TNFAIP8: variants seen among roughly 807,000 people sequenced by gnomAD.
TNFAIP8 encodes the protein tumor necrosis factor alpha-induced protein 8.
A neutral mutation model predicts 13.3 loss-of-function variants in TNFAIP8; 7 were observed. The ratio of observed to expected loss-of-function variants is 0.52; its 90% CI spans 0.30 to 0.99. The LOEUF (loss-of-function observed/expected upper bound fraction) is 0.99. Among genes scored for constraint, TNFAIP8 ranks in the 50% least tolerant of loss-of-function variants. TNFAIP8 has a pLI of 0.07. For synonymous variants in TNFAIP8, 94 were observed against 87.6 expected (o/e 1.07, Z -0.41); for missense variants, 258 against 236.9 (o/e 1.09, Z -0.58).
chr5:119,365,817 T>A (rs1442354813), intron 1 of TNFAIP8, among the ~76,000 whole-genome samples: 1 of 152,138 alleles, frequency 6.6e-6, no homozygotes, highest in African/African-American at 2.4e-5. Context: ...CGACTCAACA[T>A]CTTCAGAAGA....
intron 1 of TNFAIP8, among the ~76,000 whole-genome samples, chr5:119,379,988 C>T (rs1484851876): frequency 2.6e-5 from 4 of 152,162 alleles, no homozygotes; most frequent in African/African-American, 9.7e-5. Flanking sequence ...AGCTTCATGG[C>T]ATTTGGTAGG....
At chr5:119,369,819 C>G (rs186439996) in intron 1 of TNFAIP8, among the ~76,000 whole-genome samples, 1 of 152,184 alleles carries the variant, frequency 6.6e-6, no homozygotes, top group Non-Finnish European at 1.5e-5. Flanking sequence ...GAGTGATATT[C>G]CATCTCCTAG....
intron 1 of TNFAIP8, among the ~76,000 whole-genome samples, chr5:119,328,169 T>C (rs1750278033): frequency 6.6e-6 from 1 of 152,114 alleles, no homozygotes; most frequent in African/African-American, 2.4e-5. Context: ...TGTTCAAAAG[T>C]CAGAATGTAA....
intron 1 of TNFAIP8, among the ~76,000 whole-genome samples, chr5:119,332,898 C>T (rs559298258): frequency 2.6e-5 from 4 of 152,232 alleles, no homozygotes; most frequent in African/African-American, 9.6e-5. Context: ...TTATGAAAAC[C>T]TTATATACTC....
intron 1 of TNFAIP8, among the ~76,000 whole-genome samples, chr5:119,365,639 C>T (rs75390683): frequency 0.021 from 3,196 of 152,298 alleles, 111 homozygotes; most frequent in African/African-American, 0.073. Flanking sequence ...TAAACTTTTT[C>T]CTCCTGTAAA....
At chr5:119,277,929 C>T (rs965554909) in intron 1 of TNFAIP8, among the ~76,000 whole-genome samples, 2 of 152,072 alleles carry the variant, frequency 1.3e-5, no homozygotes, top group African/African-American at 4.8e-5. Flanking sequence ...AAGCACTAAT[C>T]CACTCATAAG....
chr5:119,299,451 T>C (rs1031209129), intron 1 of TNFAIP8, among the ~76,000 whole-genome samples: 14 of 152,174 alleles, frequency 9.2e-5, no homozygotes, highest in Non-Finnish European at 2.1e-4. Flanking sequence ...TGCTGCTGTC[T>C]GATCGTTCCT....
intron 1 of TNFAIP8, among the ~76,000 whole-genome samples, chr5:119,332,389 T>C (rs1385337623): frequency 6.6e-6 from 1 of 152,150 alleles, no homozygotes; most frequent in East Asian, 1.9e-4. Context: ...CTTGCACGTA[T>C]ACACAACCAG....
At chr5:119,342,463 A>T (rs1750768492) in intron 1 of TNFAIP8, among the ~76,000 whole-genome samples, 1 of 152,148 alleles carries the variant, frequency 6.6e-6, no homozygotes, top group African/African-American at 2.4e-5. Context: ...GAGTTATGGG[A>T]ATGTCATATT....
At chr5:119,309,561 A>G (rs1005144166) in intron 1 of TNFAIP8, among the ~76,000 whole-genome samples, 1 of 152,214 alleles carries the variant, frequency 6.6e-6, no homozygotes, top group African/African-American at 2.4e-5. Context: ...TCTCAAGACT[A>G]TAATGAAAAG....
intron 1 of TNFAIP8, among the ~76,000 whole-genome samples, chr5:119,277,573 A>C (rs1270864298): frequency 6.6e-6 from 1 of 152,186 alleles, no homozygotes; most frequent in Non-Finnish European, 1.5e-5. Flanking sequence ...CCTTAAGACT[A>C]ATTTTAACTG....
chr5:119,286,235 C>A (rs576547919), intron 1 of TNFAIP8, among the ~76,000 whole-genome samples: 71 of 152,266 alleles, frequency 4.7e-4, no homozygotes, highest in African/African-American at 1.6e-3. Context: ...CCTCACTGCA[C>A]TTCCCCAGCC....
upstream of TNFAIP8, chr5:119,355,163 G>C (rs1020837336): frequency 4.4e-5 from 28 of 631,440 alleles, no homozygotes; most frequent in Non-Finnish European, 5.7e-6. Flanking sequence ...AGGCTGTCCG[G>C]CTTCTTTATT....
intron 1 of TNFAIP8, among the ~76,000 whole-genome samples, chr5:119,358,115 CATCCTGGTGAACTTATGT>C (rs1751503909): frequency 9.1e-6 from 1 of 110,442 alleles, no homozygotes; most frequent in African/African-American, 4.3e-5. Flanking sequence ...TTTTTTTTTT[CATCCTGGTGAACTTATGT>C]ATCCCATTTA....
At position 119,395,658 on chromosome 5, in the gene TNFAIP8, TCTC is replaced by T. The variant is rs1429514766; in HGVS notation, c.*2280_*2282del. On this transcript the variant is annotated 3_prime_UTR_variant, in exon 2 of 2. Coordinates refer to ENST00000504771, the MANE Select transcript of TNFAIP8 (RefSeq NM_014350.4). The stretch of plus-strand genomic sequence containing the variant: ...CTCAGCATTTTCTGGAGGGGACCCA[TCTC>T]CTTACCAGTGCTGTGCCTGAAAAGC... 1 of 152,176 alleles carries T rather than the reference TCTC, an allele frequency of 6.6e-6. No homozygotes were observed. Among genetic ancestry groups the T allele is most frequent in the Non-Finnish European group, 1.5e-5 (1 of 68,052 alleles). The allele number at this position is 152,176 out of a possible 1,614,324, so 9.4% of individuals were successfully genotyped here. A position where few individuals can be genotyped will look rare whatever the true frequency, so the allele number is the denominator to read the frequency against.
intron 1 of TNFAIP8, among the ~76,000 whole-genome samples, chr5:119,269,965 T>C (rs1504975): frequency 0.88 from 133,842 of 152,232 alleles, 59,611 homozygotes; most frequent in East Asian, 1. Context: ...ATAGTCTCTC[T>C]GAGTTCTACA....
chr5:119,297,624 G>A lies in TNFAIP8; in HGVS notation c.1+28717G>A, dbSNP rs1306041422. On this transcript the variant is annotated intron_variant, in intron 1 of 1. Coordinates refer to the TNFAIP8 transcript ENST00000274456. ...AGTTCTGTAGATGTCTATTAGGTCC[G>A]CTTGGTGCAGAGCTGAGTTCAATTC... is the stretch of plus-strand genomic sequence containing the variant. 5.3e-5 allele frequency among the ~76,000 whole-genome samples: 8 copies of A among 152,226 alleles called. No individual in the cohort carries two copies. The East Asian group carries it at 5.8e-4, about 11-fold the overall frequency.
In TNFAIP8 at chr5:119,376,040, G is replaced by A. The variant is rs185756162; in HGVS notation, c.32-16776G>A. 1.1e-3 allele frequency among the ~76,000 whole-genome samples: 162 copies of A among 151,934 alleles called. 1 individual carries two copies. The highest frequency in any genetic ancestry group is 3.5e-3 in the African/African-American group (147 of 41,472). ...TGCCTATCTTTAGTGATGAAATGTC[G>A]CATTTAGAATAAACACTTTCCACCC... is the stretch of plus-strand genomic sequence containing the variant. On this transcript the variant is annotated intron_variant, in intron 1 of 1. Transcript: ENST00000504771.
intron 1 of TNFAIP8, among the ~76,000 whole-genome samples, chr5:119,380,471 A>C (rs1225945078): frequency 6.6e-6 from 1 of 152,246 alleles, no homozygotes; most frequent in Non-Finnish European, 1.5e-5. Flanking sequence ...AAAAGTGTAG[A>C]AAATCACGGA....
Sources: gnomAD v4.1 joint callset for allele counts (sites outside exome capture counted in the v4.1 genomes callset) on GRCh38, gnomAD v4.1.1 for gene constraint, MANE v1.5 for transcripts, NCBI Gene and HGNC (gene_info 2026-07-23, HGNC 2026-07-21) for gene names.